The following DHRS1 variants were observed in gnomAD, a reference collection of about 807,000 sequenced individuals.
DHRS1 encodes the protein dehydrogenase/reductase SDR family member 1.
A neutral mutation model predicts 35.2 loss-of-function variants in DHRS1; 34 were observed. The observed-to-expected ratio is 0.97, with a 90% confidence interval of 0.74 to 1.29. The LOEUF (loss-of-function observed/expected upper bound fraction) is 1.29, where lower values mean the gene tolerates loss of function less well. DHRS1 is among the 50% of genes most tolerant of loss of function. The probability of loss-of-function intolerance (pLI) is 0.00; values close to 1 mark genes in which losing one functional copy is unlikely to be tolerated. For synonymous variants in DHRS1, 133 were observed against 160.0 expected, an observed-to-expected ratio of 0.83 and a Z score of 1.27; for missense variants, 354 against 403.6, an observed-to-expected ratio of 0.88 and a Z score of 1.05.
intron 7 of DHRS1, 108 bp from the exon 8 acceptor site, chr14:24,291,327 C>T (rs2139085655): frequency 8.1e-7 from 1 of 1,236,934 alleles, no homozygotes; most frequent in Non-Finnish European, 1.2e-6. Context: ...GCTCAGGATC[C>T]CTGGAGAGCT....
At chr14:24,291,466 C>T in intron 7 of DHRS1, 90 bp downstream of exon 7, 4 of 1,408,228 alleles carry the variant, frequency 2.8e-6, no homozygotes, top group Non-Finnish European at 4.0e-6. Flanking sequence ...TGTTCCTCAA[C>T]CAACTCCCGA....
At position 24,299,765 on chromosome 14, in the gene DHRS1, G is replaced by A; in HGVS notation, c.-209C>T. ...CAGGCCAAAGTTAGAACCTGCGGATGGGGGCGGAGCGATCTGGGTGACACA... is the reference window on the plus strand; with the variant it reads ...CAGGCCAAAGTTAGAACCTGCGGATAGGGGCGGAGCGATCTGGGTGACACA... On this transcript the variant is annotated 5_prime_UTR_variant, in exon 1 of 9. Transcript: ENST00000288111. 2 of 641,514 alleles carry A rather than the reference G, an allele frequency of 3.1e-6. No individual in the cohort carries two copies. The highest frequency in any genetic ancestry group is 5.1e-6 in the Non-Finnish European group (2 of 393,920). 39.7% of individuals were successfully genotyped at this position (641,514 alleles called of 1,614,324 possible).
At position 24,296,741 on chromosome 14, in the gene DHRS1, G is replaced by A. The variant is rs1387518877; in HGVS notation, c.291C>T (p.Val97=). 6.2e-7 allele frequency: 1 copy of A among 1,614,194 alleles called. No individual in the cohort carries two copies. The highest frequency in any genetic ancestry group is 8.5e-7 in the Non-Finnish European group (1 of 1,180,032). ...GGGAACAAAGTTCAAAGGGTACCTG[G>A]ACCCCTGCATAAGCATTGTTGACCA... ...DVLVNNAYAG[V]QTILNTRNKA... The change falls in exon 3 of 9, where the codon GTC becomes GTT. Residue 97 remains valine (V), a synonymous_variant. Transcript: ENST00000288111.
chr14:24,295,234 T>C (rs1273508081), intron 4 of DHRS1, among the ~76,000 whole-genome samples: 1 of 152,176 alleles, frequency 6.6e-6, no homozygotes, highest in Non-Finnish European at 1.5e-5. Flanking sequence ...AGGCTATTAA[T>C]AGTAGCTATA....
chr14:24,297,902 GC>G (rs2041282224), intron 2 of DHRS1, among the ~76,000 whole-genome samples: 1 of 152,256 alleles, frequency 6.6e-6, no homozygotes, highest in Middle Eastern at 3.4e-3. Flanking sequence ...ACTTTCCCTA[GC>G]CACTCTCCTA....
rs775730024 is a variant in DHRS1, at chr14:24,290,951, G to A, written c.850C>T (p.His284Tyr). The change falls in exon 9 of 9, where the codon CAC (histidine) becomes TAC (tyrosine). Residue 284 changes from histidine (H) to tyrosine (Y), a missense_variant. Coordinates refer to ENST00000288111, the MANE Select transcript of DHRS1 (RefSeq NM_001136050.3). The part of the protein sequence containing the change: ...DYLSLSSVLS[H>Y]VSGLGWLASY... ...GCCAGCCAGCCCAGGCCGGACACGTGTGAGAGAACAGAGCTCAAAGACAAA... is the reference window on the plus strand; with the variant it reads ...GCCAGCCAGCCCAGGCCGGACACGTATGAGAGAACAGAGCTCAAAGACAAA... The A allele has an allele frequency of 6.2e-7, 1 of 1,614,170 alleles. No homozygotes were observed. Among genetic ancestry groups the A allele is most frequent in the Non-Finnish European group, 8.5e-7 (1 of 1,180,034 alleles).
intron 4 of DHRS1, chr14:24,293,245 A>C (rs1388592542): frequency 1.3e-5 from 2 of 154,880 alleles, no homozygotes; most frequent in African/African-American, 4.8e-5. Context: ...GAATTGATAA[A>C]ATAATCTAAA....
chr14:24,298,948 A>G lies in DHRS1; in HGVS notation c.150+9T>C. 1 of 1,597,290 alleles carries G rather than the reference A, an allele frequency of 6.3e-7. No homozygotes were observed. Among genetic ancestry groups the G allele is most frequent in the East Asian group, 2.3e-5 (1 of 44,374 alleles). ...TTTCTGCAACTGTGGTCCCAGAGGA[A>G]GCACTCACCTCCTGAGCAACAACGC... is the stretch of plus-strand genomic sequence containing the variant. On this transcript the variant is annotated intron_variant, in intron 2 of 8. Coordinates refer to ENST00000288111, the MANE Select transcript of DHRS1 (RefSeq NM_001136050.3).
At position 24,299,066 on chromosome 14, in the gene DHRS1, C is replaced by A; in HGVS notation, c.41G>T (p.Gly14Val). The A allele has an allele frequency of 6.2e-7, 1 of 1,613,986 alleles. No homozygotes were observed. Among genetic ancestry groups the A allele is most frequent in the Admixed American group, 1.7e-5 (1 of 60,022 alleles). Reference protein sequence around the residue: ...PMNGQVCVVTGASRGIGRGIA... With the variant: ...PMNGQVCVVTVASRGIGRGIA... The stretch of plus-strand genomic sequence containing the variant: ...GCCACGGCCAATACCCCTGGAGGCA[C>A]CAGTCACCACACACACTTGGCCATT... The change falls in exon 2 of 9, where the codon GGT (glycine) becomes GTT (valine). Residue 14 changes from glycine (G) to valine (V), a missense_variant. Gly to Val is a moderately radical substitution (Grantham distance 109). Transcript: ENST00000288111.
At chr14:24,299,165 G>C in intron 1 of DHRS1, 35 bp from the exon 2 acceptor site, 1 of 1,566,946 alleles carries the variant, frequency 6.4e-7, no homozygotes, top group Admixed American at 1.8e-5. Context: ...AGGGAAGCCT[G>C]GAGACTGTGT....
At position 24,299,733 on chromosome 14, in the gene DHRS1, A is replaced by G. The variant is rs2041329943; in HGVS notation, c.-177T>C. ...CGATTCTGTGCTGAGGTAGAGGGGC[A>G]GAGTCCCAGGCCAAAGTTAGAACCT... On this transcript the variant is annotated 5_prime_UTR_variant, in exon 1 of 9. Transcript: ENST00000288111. 3.9e-6 allele frequency: 2 copies of G among 514,796 alleles called. No individual in the cohort carries two copies. The highest frequency in any genetic ancestry group is 6.8e-6 in the Non-Finnish European group (2 of 293,414). The allele number at this position is 514,796 out of a possible 1,614,324, so 31.9% of individuals were successfully genotyped here.
In DHRS1 at chr14:24,296,531, C is replaced by T. The variant is rs766291638; in HGVS notation, c.352G>A (p.Asp118Asn). 9.9e-6 allele frequency: 16 copies of T among 1,614,030 alleles called. No individual in the cohort carries two copies. The highest frequency in any genetic ancestry group is 1.3e-5 in the African/African-American group (1 of 74,938). The change falls in exon 4 of 9, where the codon GAT becomes AAT. Residue 118 changes from aspartate to asparagine, a missense_variant. Transcript: ENST00000288111. ...FWETPASMWD[D>N]INNVGLRGHY... ...CACCTGAGTCCGACGTTGTTGATAT[C>T]ATCCCACATGGAGGCAGGGGTTTCC...
At chr14:24,291,104 G>A (rs201880552) in intron 8 of DHRS1, 35 bp downstream of exon 8, 29 of 1,613,510 alleles carry the variant, frequency 1.8e-5, no homozygotes, top group Non-Finnish European at 2.4e-5. Flanking sequence ...AGAGGGAACA[G>A]CAGTCAAGGC....
chr14:24,291,516 T>C, intron 7 of DHRS1, 40 bp downstream of exon 7: 3 of 1,603,854 alleles, frequency 1.9e-6, no homozygotes, highest in Non-Finnish European at 1.7e-6. Flanking sequence ...CTACACATCC[T>C]CCATGCCCTT....
intron 4 of DHRS1, chr14:24,293,411 T>C (rs2041196146): frequency 6.7e-6 from 1 of 148,182 alleles, no homozygotes; most frequent in South Asian, 2.1e-4. Flanking sequence ...CCATCTGTAC[T>C]AAAAATACAA....
chr14:24,299,089 A>G lies in DHRS1; in HGVS notation c.18T>C (p.Asn6=). 1.2e-6 allele frequency: 2 copies of G among 1,613,396 alleles called. No homozygotes were observed. The highest frequency in any genetic ancestry group is 2.2e-5 in the South Asian group (2 of 91,060). Residue 6 remains asparagine, a synonymous_variant, in exon 2 of 9, where the codon AAT becomes AAC. Coordinates refer to ENST00000288111, the MANE Select transcript of DHRS1 (RefSeq NM_001136050.3). ...CACCAGTCACCACACACACTTGGCC[A>G]TTCATGGGAGCTGCCATGACTCACA... MAAPM[N]GQVCVVTGAS... is the part of the protein sequence containing the mutation.
intron 3 of DHRS1, 45 bp downstream of exon 3, chr14:24,296,693 G>C: frequency 6.2e-7 from 1 of 1,614,062 alleles, no homozygotes; most frequent in South Asian, 1.1e-5. Flanking sequence ...GGGGTCTGAG[G>C]GGGAGGTCAG....
In DHRS1 at chr14:24,292,256, C is replaced by A; in HGVS notation, c.582G>T (p.Gly194=). The A allele has an allele frequency of 6.2e-7, 1 of 1,614,188 alleles. No individual in the cohort carries two copies. ...HGVSCVSLWP[G]IVQTELLKEH... ...CCTTCAGCAGTTCTGTCTGCACAAT[C>A]CCCGGCCACAGAGACACACAGCTGA... Residue 194 remains glycine, a synonymous_variant, in exon 6 of 9, where the codon GGG becomes GGT. Transcript: ENST00000288111.
At chr14:24,294,374 G>A (rs1349375674) in intron 4 of DHRS1, 1 of 152,150 alleles carries the variant, frequency 6.6e-6, no homozygotes. Context: ...GATCACTTGA[G>A]ATCAGGAGTT....
Sources: gnomAD v4.1 joint callset for allele counts (sites outside exome capture counted in the v4.1 genomes callset) on GRCh38, gnomAD v4.1.1 for gene constraint, MANE v1.5 for transcripts, NCBI Gene and HGNC (gene_info 2026-07-23, HGNC 2026-07-21) for gene names.